Variants in CEP112 observed in about 807,000 individuals in gnomAD.
CEP112 encodes the protein centrosomal protein 112, also known as centrosomal protein of 112 kDa.
A neutral mutation model predicts 153.0 loss-of-function variants in CEP112; 127 were observed. The observed-to-expected ratio is 0.83, with a 90% CI of 0.72 to 0.96. The LOEUF (loss-of-function observed/expected upper bound fraction) is 0.96, where lower values mean the gene tolerates loss of function less well. CEP112 is among the 40% of genes least tolerant of loss of function. The pLI, the probability that CEP112 is intolerant of heterozygous loss-of-function variation, is 0.00. For synonymous variants in CEP112, 358 were observed against 374.4 expected (o/e 0.96, Z 0.51); for missense variants, 1,089 against 1,101.2 (o/e 0.99, Z 0.16).
rs953849953 is a variant in CEP112 at position 66,189,585 on chromosome 17, A to T, written c.-9+2412T>A. ...ACATGCAATATTGAAGTATACATTT[A>T]AAAAAAAAACTAAAGAATCAAAGTA... is the stretch of plus-strand genomic sequence containing the variant. On this transcript the variant is annotated intron_variant, in intron 1 of 26. Transcript: ENST00000535342. Among the ~76,000 whole-genome samples the T allele has an allele frequency of 5.8e-5, 8 of 137,140 alleles. No individual in the cohort carries two copies. The South Asian group carries it at 9.5e-4, about 16-fold the overall frequency. 90.0% of individuals were successfully genotyped at this position (137,140 alleles called of 152,430 possible).
chr17:65,672,906 T>C (rs2047056195), intron 24 of CEP112, among the ~76,000 whole-genome samples: 1 of 152,198 alleles, frequency 6.6e-6, no homozygotes, highest in Non-Finnish European at 1.5e-5. Flanking sequence ...TAACTGGCTA[T>C]CTATTTGGAA....
intron 8 of CEP112, among the ~76,000 whole-genome samples, chr17:66,093,698 A>G (rs1196414653): frequency 3.9e-5 from 6 of 152,176 alleles, no homozygotes; most frequent in Admixed American, 3.9e-4. Context: ...AAATGGAAAG[A>G]TATCTCATGT....
At chr17:65,967,787 G>A (rs1329652397) in intron 17 of CEP112, among the ~76,000 whole-genome samples, 1 of 151,870 alleles carries the variant, frequency 6.6e-6, no homozygotes, top group Non-Finnish European at 1.5e-5. Context: ...CTGTAATATG[G>A]GTCCATAAAT....
At chr17:65,676,529 A>G (rs959617582) in intron 24 of CEP112, among the ~76,000 whole-genome samples, 4 of 152,220 alleles carry the variant, frequency 2.6e-5, no homozygotes, top group African/African-American at 9.6e-5. Flanking sequence ...TTGACAAACC[A>G]AGTCTAAAAT....
chr17:66,114,825 G>C (rs1422250042), intron 6 of CEP112, among the ~76,000 whole-genome samples: 1 of 151,858 alleles, frequency 6.6e-6, no homozygotes, highest in Non-Finnish European at 1.5e-5. Flanking sequence ...GCACCTAACT[G>C]TATTAGTCAT....
intron 24 of CEP112, among the ~76,000 whole-genome samples, chr17:65,651,994 C>A (rs960964776): frequency 6.6e-6 from 1 of 152,188 alleles, no homozygotes; most frequent in Non-Finnish European, 1.5e-5. Context: ...TGAGCCACTG[C>A]GCCCAGCTGA....
intron 21 of CEP112, among the ~76,000 whole-genome samples, chr17:65,778,878 T>G (rs1054411691): frequency 3.3e-5 from 5 of 152,168 alleles, no homozygotes; most frequent in African/African-American, 1.2e-4. Flanking sequence ...CTTGCACTTT[T>G]AATCCCAGCT....
intron 4 of CEP112, among the ~76,000 whole-genome samples, chr17:66,138,562 TA>T (rs2070543396): frequency 6.6e-6 from 1 of 152,152 alleles, no homozygotes; most frequent in Admixed American, 6.6e-5. Context: ...ATCGGGACAT[TA>T]ATAACAAAGT....
At chr17:65,792,294 A>G (rs2054635082) in intron 21 of CEP112, among the ~76,000 whole-genome samples, 1 of 152,218 alleles carries the variant, frequency 6.6e-6, no homozygotes, top group Admixed American at 6.5e-5. Context: ...AAATACACAG[A>G]TCGTAATGGG....
At chr17:65,695,762 G>A (rs890851024) in intron 23 of CEP112, among the ~76,000 whole-genome samples, 2 of 152,176 alleles carry the variant, frequency 1.3e-5, no homozygotes, top group South Asian at 2.1e-4. Context: ...TAGCAAGACC[G>A]GACGTCTTTC....
chr17:66,163,133 C>A (rs955745044), intron 4 of CEP112, among the ~76,000 whole-genome samples: 1 of 152,072 alleles, frequency 6.6e-6, no homozygotes, highest in East Asian at 1.9e-4. Context: ...GGGTACCCAG[C>A]GGTCTTCTGG....
At chr17:65,971,639 T>C (rs2062831673) in intron 17 of CEP112, among the ~76,000 whole-genome samples, 1 of 149,474 alleles carries the variant, frequency 6.7e-6, no homozygotes, top group Admixed American at 6.8e-5. Context: ...CATATTGCGT[T>C]ATATTGCATG....
chr17:65,688,917 G>A (rs542639687), intron 24 of CEP112: 8 of 374,658 alleles, frequency 2.1e-5, no homozygotes, highest in African/African-American at 1.7e-4. Flanking sequence ...ACAGGCACCT[G>A]CCACCACACC....
intron 21 of CEP112, among the ~76,000 whole-genome samples, chr17:65,845,480 C>G (rs1190726497): frequency 6.6e-6 from 1 of 152,106 alleles, no homozygotes; most frequent in African/African-American, 2.4e-5. Flanking sequence ...TCTTGGGCAG[C>G]TAAGTTAGTA....
chr17:66,053,774 T>A lies in CEP112; in HGVS notation c.1180A>T (p.Lys394Ter). Residue 394 changes from lysine to a stop codon, truncating the protein, a stop_gained, in exon 12 of 27, where the codon AAA becomes TAA. Transcript: ENST00000535342. LOFTEE classifies it high-confidence loss of function. Reference protein sequence around the residue: ...LLEDTNVRLNKMESEYMAQTQ... With the variant: ...LLEDTNVRLN ...TGCGCCATGTATTCACTCTCCATTT[T>A]ATTCAGACGCACATTTGTATCCTCA... The A allele has an allele frequency of 6.2e-7, 1 of 1,613,816 alleles. No homozygotes were observed. The highest frequency in any genetic ancestry group is 1.7e-5 in the Admixed American group (1 of 60,008).
intron 21 of CEP112, among the ~76,000 whole-genome samples, chr17:65,836,327 T>C (rs2057306821): frequency 6.6e-6 from 1 of 152,162 alleles, no homozygotes; most frequent in African/African-American, 2.4e-5. Flanking sequence ...AATTCTCCAA[T>C]TAAAAGACAC....
intron 21 of CEP112, among the ~76,000 whole-genome samples, chr17:65,844,600 G>A (rs1432192652): frequency 1.3e-5 from 2 of 149,600 alleles, no homozygotes; most frequent in Non-Finnish European, 2.9e-5. Flanking sequence ...CGGGAGAATC[G>A]CTTGAACCCG....
At chr17:66,168,429 A>G (rs1231621630) in intron 4 of CEP112, among the ~76,000 whole-genome samples, 3 of 150,400 alleles carry the variant, frequency 2.0e-5, no homozygotes, top group South Asian at 4.2e-4. Context: ...GTGTGTATAT[A>G]TATGTATATA....
chr17:66,106,439 A>G (rs2068786823), intron 6 of CEP112, among the ~76,000 whole-genome samples: 1 of 152,150 alleles, frequency 6.6e-6, no homozygotes, highest in South Asian at 2.1e-4. Flanking sequence ...TCAAATAAAT[A>G]AAATCAGAGA....
Sources: gnomAD v4.1 joint callset for allele counts (sites outside exome capture counted in the v4.1 genomes callset) on GRCh38, gnomAD v4.1.1 for gene constraint, MANE v1.5 for transcripts, NCBI Gene and HGNC (gene_info 2026-07-23, HGNC 2026-07-21) for gene names.